ZC4H2: variants seen among roughly 807,000 people sequenced by gnomAD.
ZC4H2 encodes zinc finger C4H2 domain-containing protein.
For missense variants in ZC4H2, 137 were observed against 173.9 expected, an observed-to-expected ratio of 0.79 and a Z score of 1.19; for synonymous variants, 84 against 66.3, an observed-to-expected ratio of 1.27 and a Z score of -1.30.
At chrX:64,931,673 T>G (rs1252595079) in intron 1 of ZC4H2, among the ~76,000 whole-genome samples, 1 of 111,745 alleles carries the variant, frequency 8.9e-6, no homozygotes, top group Non-Finnish European at 1.9e-5. Context: ...AGGGTTCTTT[T>G]TGAAGTTGAT....
upstream of ZC4H2, among the ~76,000 whole-genome samples, chrX:64,976,760 T>C (rs1931962505): frequency 9.0e-6 from 1 of 111,409 alleles, no homozygotes; most frequent in African/African-American, 3.3e-5. Flanking sequence ...GACATACCCA[T>C]TCGCTCCCTT....
At chrX:64,968,418 T>C (rs1931662478) in intron 1 of ZC4H2, among the ~76,000 whole-genome samples, 1 of 111,362 alleles carries the variant, frequency 9.0e-6, no homozygotes, top group Non-Finnish European at 1.9e-5. Context: ...ATTCTTGTCC[T>C]GGCTCAGTCA....
rs1282561291 is a variant in ZC4H2, at chrX:65,026,618, A to C, written c.-272+8011T>G. On this transcript the variant is annotated intron_variant, in intron 1 of 4. Coordinates refer to the ZC4H2 transcript ENST00000337990. The stretch of plus-strand genomic sequence containing the variant: ...CAGCTACTCGGGAGGCTGAGGCAGG[A>C]GAATGGCGTGAACCCGGGTGGCAAA... Among the ~76,000 whole-genome samples the C allele has an allele frequency of 1.2e-4, 13 of 110,570 alleles. No homozygotes were observed. The Admixed American group carries it at 1.2e-3, about 11-fold the overall frequency.
chrX:65,006,797 A>G (rs1381260905), intron 1 of ZC4H2, among the ~76,000 whole-genome samples: 2 of 112,301 alleles, frequency 1.8e-5, no homozygotes, highest in Non-Finnish European at 3.8e-5. Context: ...TATGCAGCAT[A>G]TAACTGTATT....
chrX:64,927,856 G>A (rs1040139847), intron 1 of ZC4H2, among the ~76,000 whole-genome samples: 8 of 112,233 alleles, frequency 7.1e-5, no homozygotes, highest in African/African-American at 9.7e-5. Flanking sequence ...TTTTGGTTTC[G>A]ATTTGGATTT....
Position 64,921,819 on chromosome X carries a change from C to T in ZC4H2, c.223G>A (p.Val75Met). Reference protein sequence around the residue: ...ELRLIHADINVMENTIKQSEN... With the variant: ...ELRLIHADINMMENTIKQSEN... ...ATAGGCTCCAGGCAGCCACGTACCA[C>T]ATTGATGTCAGCGTGGATCAGTCGG... is the stretch of plus-strand genomic sequence containing the variant. Residue 75 changes from valine to methionine, a missense_variant and splice_region_variant, in exon 2 of 5, where the codon GTG (valine) becomes ATG (methionine). By Grantham distance (21) the Val-to-Met change is conservative. Coordinates refer to ENST00000374839, the MANE Select transcript of ZC4H2 (RefSeq NM_018684.4). 31 of 1,210,209 alleles carry T rather than the reference C, an allele frequency of 2.6e-5. No individual in the cohort carries two copies. The highest frequency in any genetic ancestry group is 3.4e-5 in the Non-Finnish European group (30 of 895,056).
chrX:65,022,793 G>T (rs947236957), intron 1 of ZC4H2, among the ~76,000 whole-genome samples: 2 of 111,991 alleles, frequency 1.8e-5, no homozygotes, highest in Non-Finnish European at 3.8e-5. Context: ...AAGGAAATAA[G>T]AGAGGACACA....
At chrX:64,927,352 A>G (rs1000021906) in intron 1 of ZC4H2, among the ~76,000 whole-genome samples, 1 of 110,193 alleles carries the variant, frequency 9.1e-6, no homozygotes, top group Non-Finnish European at 1.9e-5. Flanking sequence ...TTTTTGTTCA[A>G]CTACCACTTA....
intron 1 of ZC4H2, among the ~76,000 whole-genome samples, chrX:64,956,515 T>C (rs925407461): frequency 8.1e-5 from 9 of 111,557 alleles, no homozygotes; most frequent in Non-Finnish European, 1.7e-4. Flanking sequence ...TGGTAACTTA[T>C]GAATTACACG....
At chrX:64,933,877 T>C (rs1368819194) in intron 1 of ZC4H2, among the ~76,000 whole-genome samples, 1 of 112,020 alleles carries the variant, frequency 8.9e-6, no homozygotes, top group East Asian at 2.8e-4. Flanking sequence ...GCACCAGTTG[T>C]AGCTAAGGCA....
At chrX:65,028,605 C>T (rs1191540528) in intron 1 of ZC4H2, among the ~76,000 whole-genome samples, 1 of 109,174 alleles carries the variant, frequency 9.2e-6, no homozygotes, top group East Asian at 2.9e-4. Context: ...CATCCTGGGT[C>T]ACTGCAACCT....
At chrX:64,993,734 T>A (rs1220618276) in intron 1 of ZC4H2, among the ~76,000 whole-genome samples, 1 of 112,017 alleles carries the variant, frequency 8.9e-6, no homozygotes, top group Non-Finnish European at 1.9e-5. Flanking sequence ...TCTACCCTAC[T>A]CCCCAAGAGC....
At chrX:64,926,928 C>T (rs895725442) in intron 1 of ZC4H2, among the ~76,000 whole-genome samples, 1 of 111,257 alleles carries the variant, frequency 9.0e-6, no homozygotes, top group African/African-American at 3.3e-5. Context: ...GGACCAATCC[C>T]CTATATACAC....
chrX:65,022,302 G>A (rs1035358805), intron 1 of ZC4H2, among the ~76,000 whole-genome samples: 1 of 111,293 alleles, frequency 9.0e-6, no homozygotes. Context: ...CCAAATCCAG[G>A]AGCACATCAA....
chrX:64,920,570 G>A (rs1379018611), intron 2 of ZC4H2, among the ~76,000 whole-genome samples: 1 of 112,220 alleles, frequency 8.9e-6, no homozygotes, highest in Non-Finnish European at 1.9e-5. Context: ...TCTTAGAGCT[G>A]GAATGTCCTT....
chrX:64,976,871 C>G (rs1301392765), upstream of ZC4H2, among the ~76,000 whole-genome samples: 2 of 93,794 alleles, frequency 2.1e-5, no homozygotes, highest in Admixed American at 2.5e-4. Flanking sequence ...GCTTTGGAGA[C>G]GTTGAATGTG....
At chrX:64,918,481 A>G (rs1929031281) in intron 4 of ZC4H2, 1 of 113,572 alleles carries the variant, frequency 8.8e-6, no homozygotes, top group African/African-American at 3.2e-5. Context: ...TTGTTTGACT[A>G]TTTACCAATT....
chrX:64,932,575 C>A (rs1344356827), intron 1 of ZC4H2, among the ~76,000 whole-genome samples: 1 of 111,189 alleles, frequency 9.0e-6, no homozygotes, highest in Non-Finnish European at 1.9e-5. Flanking sequence ...CAAATTCTGT[C>A]AGGATTTGTT....
At chrX:65,004,341 T>C (rs955659297) in intron 1 of ZC4H2, among the ~76,000 whole-genome samples, 11 of 111,891 alleles carry the variant, frequency 9.8e-5, no homozygotes, top group Non-Finnish European at 1.9e-4. Context: ...AATAAAATAC[T>C]GAAAAACCGA....
Sources: allele counts gnomAD v4.1 joint callset (sites outside exome capture counted in the v4.1 genomes callset), GRCh38; gene constraint gnomAD v4.1.1; transcripts MANE v1.5; gene names NCBI Gene and HGNC (gene_info 2026-07-23, HGNC 2026-07-21).